CNTNAP2: variants seen among roughly 807,000 people sequenced by gnomAD.
The protein encoded by CNTNAP2 is contactin-associated protein-like 2.
A neutral mutation model predicts 155.2 loss-of-function variants in CNTNAP2; 98 were observed. The observed-to-expected ratio is 0.63, with a 90% CI of 0.54 to 0.75. The LOEUF (loss-of-function observed/expected upper bound fraction) is 0.75. Ranked by LOEUF, CNTNAP2 falls within the 30% of genes least tolerant of loss-of-function variation. The probability of loss-of-function intolerance (pLI) is 0.00; values close to 1 mark genes in which losing one functional copy is unlikely to be tolerated. For synonymous variants in CNTNAP2, 651 were observed against 631.2 expected, an observed-to-expected ratio of 1.03 and a Z score of -0.47; for missense variants, 1,727 against 1,688.1, an observed-to-expected ratio of 1.02 and a Z score of -0.40.
chr7:148,029,980 C>T (rs117774851), intron 15 of CNTNAP2, among the ~76,000 whole-genome samples: 2,915 of 152,300 alleles, frequency 0.019, 48 homozygotes, highest in Non-Finnish European at 0.028. Flanking sequence ...TCAATGTCTT[C>T]TTAATATCAT....
intron 1 of CNTNAP2, among the ~76,000 whole-genome samples, chr7:146,769,389 T>C (rs1380715790): frequency 6.6e-6 from 1 of 152,200 alleles, no homozygotes; most frequent in Admixed American, 6.5e-5. Flanking sequence ...CATGTTTTAG[T>C]ACAACAAAAA....
At chr7:147,071,484 T>A (rs2129265575) in intron 4 of CNTNAP2, among the ~76,000 whole-genome samples, 1 of 152,246 alleles carries the variant, frequency 6.6e-6, no homozygotes, top group Middle Eastern at 3.4e-3. Flanking sequence ...AGTCCCCAAA[T>A]ATGAAATGAG....
At chr7:146,362,015 T>C (rs776688029) in intron 1 of CNTNAP2, among the ~76,000 whole-genome samples, 3 of 152,178 alleles carry the variant, frequency 2.0e-5, no homozygotes, top group Non-Finnish European at 2.9e-5. Flanking sequence ...AATAGATATA[T>C]AGACATGCAG....
At chr7:148,226,168 T>A (rs1795844676) in intron 19 of CNTNAP2, among the ~76,000 whole-genome samples, 1 of 152,162 alleles carries the variant, frequency 6.6e-6, no homozygotes, top group South Asian at 2.1e-4. Flanking sequence ...AGATTGCTGA[T>A]AAGTACAGGT....
At chr7:147,866,429 T>C (rs1312518070) in intron 13 of CNTNAP2, among the ~76,000 whole-genome samples, 2 of 152,222 alleles carry the variant, frequency 1.3e-5, no homozygotes, top group Admixed American at 6.5e-5. Context: ...TAGATGTCTA[T>C]TAAGTCTGCT....
chr7:147,083,550 G>GTATA (rs1289403405), intron 4 of CNTNAP2, among the ~76,000 whole-genome samples: 214 of 113,012 alleles, frequency 1.9e-3, no homozygotes, highest in African/African-American at 8.1e-3. Flanking sequence ...ATATATATAT[G>GTATA]TATATATATA....
chr7:146,739,614 T>A (rs147405447), intron 1 of CNTNAP2, among the ~76,000 whole-genome samples: 120 of 152,172 alleles, frequency 7.9e-4, no homozygotes, highest in African/African-American at 2.5e-3. Flanking sequence ...GAATAATGCT[T>A]ATTCTGTAGT....
chr7:146,925,728 T>C (rs1796595757), intron 3 of CNTNAP2, among the ~76,000 whole-genome samples: 1 of 152,092 alleles, frequency 6.6e-6, no homozygotes, highest in African/African-American at 2.4e-5. Context: ...AAATTCCAGA[T>C]CCTGTTCTTT....
intron 13 of CNTNAP2, among the ~76,000 whole-genome samples, chr7:147,712,131 G>C (rs773879878): frequency 3.9e-5 from 6 of 151,920 alleles, no homozygotes; most frequent in African/African-American, 7.3e-5. Flanking sequence ...TGCCCTGTCA[G>C]ACACATGAAA....
intron 13 of CNTNAP2, among the ~76,000 whole-genome samples, chr7:147,782,113 C>T (rs1210177946): frequency 1.3e-5 from 2 of 151,728 alleles, no homozygotes; most frequent in East Asian, 3.9e-4. Context: ...TGTTCCAGTG[C>T]GTGTCTAATA....
At chr7:148,253,563 T>C (rs1291427727) in intron 20 of CNTNAP2, among the ~76,000 whole-genome samples, 1 of 152,230 alleles carries the variant, frequency 6.6e-6, no homozygotes, top group Non-Finnish European at 1.5e-5. Flanking sequence ...TCAAGGTGGC[T>C]GGACCACAAA....
intron 11 of CNTNAP2, among the ~76,000 whole-genome samples, chr7:147,550,590 G>A (rs1264004761): frequency 6.6e-6 from 1 of 152,164 alleles, no homozygotes; most frequent in African/African-American, 2.4e-5. Flanking sequence ...GAGCATGAGT[G>A]GAAGAAAGTC....
At chr7:148,124,983 G>A (rs1474288028) in intron 16 of CNTNAP2, among the ~76,000 whole-genome samples, 1 of 152,120 alleles carries the variant, frequency 6.6e-6, no homozygotes, top group African/African-American at 2.4e-5. Flanking sequence ...AATGGGGAGT[G>A]TGATGGGCGT....
chr7:147,367,176 A>G (rs529215786), intron 9 of CNTNAP2, among the ~76,000 whole-genome samples: 3 of 152,350 alleles, frequency 2.0e-5, no homozygotes, highest in Non-Finnish European at 2.9e-5. Context: ...TTTTCTTAAA[A>G]ACCAACTTTC....
In CNTNAP2 at chr7:148,383,763, C is replaced by G. The variant is rs760790277; in HGVS notation, c.3590C>G (p.Thr1197Arg). 6.2e-7 allele frequency: 1 copy of G among 1,614,112 alleles called. No homozygotes were observed. The highest frequency in any genetic ancestry group is 8.5e-7 in the Non-Finnish European group (1 of 1,180,052). The change falls in exon 22 of 24, where the codon ACA becomes AGA. Residue 1197 changes from threonine (T) to arginine (R), a missense_variant. Thr to Arg is a moderately conservative substitution (Grantham distance 71). Coordinates refer to ENST00000361727, the MANE Select transcript of CNTNAP2 (RefSeq NM_014141.6). The part of the protein sequence containing the change: ...IAPLKAALRQ[T>R]NASAHVHIQG... Reference sequence around the variant, plus strand: ...CCTCTCAAGGCCGCCTTGAGGCAGACAAACGCCTCGGCTCACGTCCACATC... The same window carrying G: ...CCTCTCAAGGCCGCCTTGAGGCAGAGAAACGCCTCGGCTCACGTCCACATC...
At chr7:146,985,182 C>A (rs1798092287) in intron 3 of CNTNAP2, among the ~76,000 whole-genome samples, 4 of 151,896 alleles carry the variant, frequency 2.6e-5, no homozygotes. Context: ...CTGTGAAGTG[C>A]CAGCAATAAG....
intron 13 of CNTNAP2, among the ~76,000 whole-genome samples, chr7:147,706,315 C>G (rs528471296): frequency 6.6e-6 from 1 of 151,928 alleles, no homozygotes; most frequent in South Asian, 2.1e-4. Flanking sequence ...CTTATAGGAC[C>G]AGGCTAATGG....
intron 8 of CNTNAP2, among the ~76,000 whole-genome samples, chr7:147,216,365 A>G (rs1317095274): frequency 6.6e-6 from 1 of 152,058 alleles, no homozygotes; most frequent in Non-Finnish European, 1.5e-5. Flanking sequence ...TGTGAAGGAT[A>G]TAAGGTCTAT....
intron 2 of CNTNAP2, among the ~76,000 whole-genome samples, chr7:146,797,511 A>G (rs1343142386): frequency 6.6e-6 from 1 of 152,206 alleles, no homozygotes; most frequent in African/African-American, 2.4e-5. Context: ...TGGAGGATGA[A>G]CTGAATTAGG....
Sources: allele counts gnomAD v4.1 joint callset (sites outside exome capture counted in the v4.1 genomes callset), GRCh38; gene constraint gnomAD v4.1.1; transcripts MANE v1.5; gene names NCBI Gene and HGNC (gene_info 2026-07-23, HGNC 2026-07-21).